The following NDUFV2 variants were observed in gnomAD, a reference collection of about 807,000 sequenced individuals.
The protein encoded by NDUFV2 is NADH dehydrogenase [ubiquinone] flavoprotein 2, mitochondrial.
In NDUFV2, 18 loss-of-function variants were observed where a neutral mutation model predicts 31.6. The observed-to-expected ratio is 0.57, with a 90% confidence interval of 0.39 to 0.84. The LOEUF is 0.84. Ranked by LOEUF, NDUFV2 falls within the 40% of genes least tolerant of loss-of-function variation. NDUFV2 has a pLI of 0.00. For synonymous variants in NDUFV2, 83 were observed against 99.8 expected (o/e 0.83, Z 1.01); for missense variants, 314 against 303.6 (o/e 1.03, Z -0.26).
Position 9,117,821 on chromosome 18 carries a change from A to C in NDUFV2, c.55-17A>C. On this transcript the variant is annotated splice_polypyrimidine_tract_variant and intron_variant, in intron 1 of 7. Coordinates refer to ENST00000318388, the MANE Select transcript of NDUFV2 (RefSeq NM_021074.5). ...AGGCTATGATTTACTAAACTTTCTT[A>C]AAATTTTAAATTTTAGGGAAGACAT... The C allele has an allele frequency of 1.7e-5, 24 of 1,399,320 alleles. No individual in the cohort carries two copies. The highest frequency in any genetic ancestry group is 2.0e-5 in the Non-Finnish European group (20 of 985,564). 86.7% of individuals were successfully genotyped at this position (1,399,320 alleles called of 1,614,324 possible).
intron 1 of NDUFV2, among the ~76,000 whole-genome samples, chr18:9,104,725 T>TC (rs779749967): frequency 9.3e-6 from 1 of 107,844 alleles, no homozygotes; most frequent in African/African-American, 3.6e-5. Flanking sequence ...CCTTCCACCC[T>TC]CCCCCCTTTT....
chr18:9,106,118 C>T (rs890104531), intron 1 of NDUFV2, among the ~76,000 whole-genome samples: 1 of 152,134 alleles, frequency 6.6e-6, no homozygotes, highest in Admixed American at 6.5e-5. Context: ...GAGTCTGCAG[C>T]ATGTACATGC....
chr18:9,110,128 G>C (rs574734944), intron 1 of NDUFV2, among the ~76,000 whole-genome samples: 6 of 152,156 alleles, frequency 3.9e-5, no homozygotes, highest in Admixed American at 1.3e-4. Context: ...CTCAAAGAAG[G>C]GGGTGGGTGG....
Position 9,119,562 on chromosome 18 carries a change from G to C in NDUFV2, c.272G>C (p.Gly91Ala). The C allele has an allele frequency of 6.2e-7, 1 of 1,613,648 alleles. No individual in the cohort carries two copies. The highest frequency in any genetic ancestry group is 8.5e-7 in the Non-Finnish European group (1 of 1,179,672). The change falls in exon 4 of 8, where the codon GGG becomes GCG. Residue 91 changes from glycine (G) to alanine (A), a missense_variant. Transcript: ENST00000318388. ...PVLDLAQRQN[G>A]WLPISAMNKV... is the part of the protein sequence containing the mutation. ...CTGGATTTAGCCCAAAGGCAGAATG[G>C]GTGGTTGCCCATCTCTGCTATGAAC... is the stretch of plus-strand genomic sequence containing the variant.
chr18:9,117,952 G>C (rs2077907590), intron 2 of NDUFV2, 49 bp downstream of exon 2: 2 of 1,304,680 alleles, frequency 1.5e-6, no homozygotes, highest in South Asian at 1.2e-5. Flanking sequence ...TGGAAATTGG[G>C]GTAAATCCAT....
At chr18:9,134,123 A>G in intron 7 of NDUFV2, 63 bp from the exon 8 acceptor site, 1 of 1,299,980 alleles carries the variant, frequency 7.7e-7, no homozygotes, top group Non-Finnish European at 1.1e-6. Flanking sequence ...GGTAACCATT[A>G]CAATTTAAGT....
intron 6 of NDUFV2, among the ~76,000 whole-genome samples, chr18:9,125,986 C>T (rs1461349518): frequency 6.6e-6 from 1 of 152,106 alleles, no homozygotes; most frequent in Non-Finnish European, 1.5e-5. Flanking sequence ...CTGGCTGGGT[C>T]CCTTGCCCCT....
At chr18:9,133,769 TTAA>T (rs1283025483) in intron 7 of NDUFV2, among the ~76,000 whole-genome samples, 8 of 152,224 alleles carry the variant, frequency 5.3e-5, no homozygotes, top group Admixed American at 6.5e-5. Context: ...AACATGGTTT[TTAA>T]AAATGTTCTC....
intron 7 of NDUFV2, among the ~76,000 whole-genome samples, chr18:9,132,961 C>G (rs2078053168): frequency 6.6e-6 from 1 of 152,162 alleles, no homozygotes; most frequent in African/African-American, 2.4e-5. Context: ...GCTTACTCTA[C>G]AAGTTTCAGG....
At chr18:9,125,889 G>A (rs1379636923) in intron 6 of NDUFV2, among the ~76,000 whole-genome samples, 1 of 152,088 alleles carries the variant, frequency 6.6e-6, no homozygotes, top group Non-Finnish European at 1.5e-5. Context: ...TTTCTTTGAG[G>A]GACAGTTTAC....
At chr18:9,116,460 A>G (rs143710437) in intron 1 of NDUFV2, among the ~76,000 whole-genome samples, 2 of 152,272 alleles carry the variant, frequency 1.3e-5, no homozygotes, top group South Asian at 2.1e-4. Context: ...CTGAGCTAAG[A>G]TGACAGTGAC....
chr18:9,117,720 C>T, intron 1 of NDUFV2, 118 bp from the exon 2 acceptor site: 2 of 677,510 alleles, frequency 3.0e-6, no homozygotes, highest in Non-Finnish European at 5.4e-6. Flanking sequence ...TACCATATTT[C>T]TTAAGATCTT....
intron 7 of NDUFV2, 90 bp downstream of exon 7, chr18:9,126,997 T>G: frequency 1.0e-6 from 1 of 984,980 alleles, no homozygotes; most frequent in Non-Finnish European, 1.6e-6. Context: ...ATACCTTAAG[T>G]TCATAGGAAT....
At chr18:9,128,601 T>A (rs1473500753) in intron 7 of NDUFV2, among the ~76,000 whole-genome samples, 1 of 152,226 alleles carries the variant, frequency 6.6e-6, no homozygotes, top group Non-Finnish European at 1.5e-5. Context: ...GTAAAACCTT[T>A]AGTCATCTAT....
intron 1 of NDUFV2, 86 bp from the exon 2 acceptor site, chr18:9,117,752 G>A (rs960976180): frequency 3.8e-6 from 3 of 780,940 alleles, no homozygotes; most frequent in Non-Finnish European, 6.8e-6. Flanking sequence ...TTCCATTGTT[G>A]TAAATTATGA....
rs1023981487 is a variant in NDUFV2 at position 9,111,491 on chromosome 18, C to T, written c.55-6347C>T. On this transcript the variant is annotated intron_variant, in intron 1 of 7. Coordinates refer to ENST00000318388, the MANE Select transcript of NDUFV2 (RefSeq NM_021074.5). ...TTGCCCAGGCTGGAGTGCTGTGGCA[C>T]GAGCTGGGCTCACTGCAACCTCTGC... Among the ~76,000 whole-genome samples, 7 of 151,658 alleles carry T rather than the reference C, an allele frequency of 4.6e-5. No individual in the cohort carries two copies. In the Middle Eastern group the frequency reaches 0.01, roughly 221 times the overall value.
intron 1 of NDUFV2, chr18:9,104,991 GT>G: frequency 6.5e-7 from 1 of 1,531,794 alleles, no homozygotes; most frequent in Middle Eastern, 1.7e-4. Context: ...TATTTATACT[GT>G]TTGGTAGCCT....
chr18:9,134,171 T>A lies in NDUFV2; in HGVS notation c.657-15T>A. 6.3e-7 allele frequency: 1 copy of A among 1,596,446 alleles called. No homozygotes were observed. Among genetic ancestry groups the A allele is most frequent in the Non-Finnish European group, 8.6e-7 (1 of 1,164,240 alleles). On this transcript the variant is annotated splice_polypyrimidine_tract_variant and intron_variant, in intron 7 of 7. Coordinates refer to ENST00000318388, the MANE Select transcript of NDUFV2 (RefSeq NM_021074.5). Reference sequence around the variant, plus strand: ...ATGTTAATCATTAATAGTTTAATATTACTTTTCATTTCAGGAGTGGACGCT... The same window carrying A: ...ATGTTAATCATTAATAGTTTAATATAACTTTTCATTTCAGGAGTGGACGCT...
chr18:9,117,550 G>T, intron 1 of NDUFV2: 1 of 370,840 alleles, frequency 2.7e-6, no homozygotes, highest in Non-Finnish European at 5.0e-6. Flanking sequence ...TTCTCCAAAT[G>T]CATGCCAGCA....
Sources: gnomAD v4.1 joint callset for allele counts (sites outside exome capture counted in the v4.1 genomes callset) on GRCh38, gnomAD v4.1.1 for gene constraint, MANE v1.5 for transcripts, NCBI Gene and HGNC (gene_info 2026-07-23, HGNC 2026-07-21) for gene names.